The following DRG2 variants were observed in gnomAD, a reference collection of about 807,000 sequenced individuals.
DRG2 encodes developmentally regulated GTP binding protein 2, also known as developmentally-regulated GTP-binding protein 2.
DRG2 carries 36 observed loss-of-function variants against 53.4 expected under a neutral mutation model. The ratio of observed to expected loss-of-function variants is 0.67; its 90% CI spans 0.52 to 0.89. The LOEUF (loss-of-function observed/expected upper bound fraction) is 0.89. Among genes scored for constraint, DRG2 ranks in the 40% least tolerant of loss-of-function variants. DRG2 has a pLI of 0.00. For synonymous variants in DRG2, 167 were observed against 192.1 expected, an observed-to-expected ratio of 0.87 and a Z score of 1.08; for missense variants, 342 against 481.2, an observed-to-expected ratio of 0.71 and a Z score of 2.71.
intron 7 of DRG2, 121 bp from the exon 8 acceptor site, chr17:18,101,372 A>T: frequency 1.2e-6 from 1 of 844,676 alleles, no homozygotes; most frequent in Admixed American, 2.4e-5. Flanking sequence ...AAAACCTCAC[A>T]AGCAGATACC....
chr17:18,100,041 T>A lies in DRG2; in HGVS notation c.467+318T>A. ...GCCCCAGGCACAGAAGCATTGTTCA[T>A]CCACATCCTGGCAGAGGGGTACACC... On this transcript the variant is annotated intron_variant, in intron 5 of 12. Coordinates refer to ENST00000225729, the MANE Select transcript of DRG2 (RefSeq NM_001388.5). The surrounding 1 kb of genome is among the most constrained non-coding windows in gnomAD (Gnocchi z 4.1). The A allele has an allele frequency of 3.5e-6, 2 of 576,112 alleles. No individual in the cohort carries two copies. Among genetic ancestry groups the A allele is most frequent in the South Asian group, 4.1e-5 (2 of 48,512 alleles). 35.7% of individuals were successfully genotyped at this position (576,112 alleles called of 1,614,324 possible).
At chr17:18,107,081 C>G in intron 12 of DRG2, 73 bp from the exon 13 acceptor site, 1 of 1,414,166 alleles carries the variant, frequency 7.1e-7, no homozygotes, top group East Asian at 2.3e-5. Flanking sequence ...AGGACACACA[C>G]GCCCAGGGAT....
chr17:18,106,547 A>C lies in DRG2; in HGVS notation c.1008+61A>C, dbSNP rs377087916. ...ACCCAGGACAGCCCCTGGGTTAGGC[A>C]TGAAGCAAGGCATTCACACTCTCTG... is the stretch of plus-strand genomic sequence containing the variant. On this transcript the variant is annotated intron_variant, in intron 12 of 12. Coordinates refer to ENST00000225729, the MANE Select transcript of DRG2 (RefSeq NM_001388.5). 7.8e-4 allele frequency: 1,244 copies of C among 1,587,106 alleles called. 27 individuals carry two copies. In the South Asian group the frequency reaches 0.013, roughly 17 times the overall value.
rs2045628228 is a variant in DRG2 at position 18,106,288 on chromosome 17, TC to T, written c.955-143del. On this transcript the variant is annotated intron_variant, in intron 11 of 12. Coordinates refer to ENST00000225729, the MANE Select transcript of DRG2 (RefSeq NM_001388.5). ...ATGTGCGAATTGAGCACGTCAGTCC[TC>T]CACACAAGGCCCAGACTGTGTGGGC... 5 of 826,552 alleles carry T rather than the reference TC, an allele frequency of 6.0e-6. No homozygotes were observed. The South Asian group carries it at 7.6e-5, about 13-fold the overall frequency. The allele number at this position is 826,552 out of a possible 1,614,324, so 51.2% of individuals were successfully genotyped here.
In DRG2 at chr17:18,100,690, G is replaced by T; in HGVS notation, c.631+31G>T. The T allele has an allele frequency of 1.9e-6, 3 of 1,593,444 alleles. No homozygotes were observed. The highest frequency in any genetic ancestry group is 2.6e-6 in the Non-Finnish European group (3 of 1,168,532). On this transcript the variant is annotated intron_variant, in intron 7 of 12. Transcript: ENST00000225729. The surrounding 1 kb of genome is among the most constrained non-coding windows in gnomAD (Gnocchi z 4.1). ...CTTCCCTGAAAGACACGTGAAGGAG[G>T]GCAGCCACCACCGTCAGCGCAGCGG...
chr17:18,087,962 G>A lies in DRG2; in HGVS notation c.-62G>A, dbSNP rs544243951. 9 of 1,530,136 alleles carry A rather than the reference G, an allele frequency of 5.9e-6. No individual in the cohort carries two copies. The Admixed American group carries it at 1.6e-4, about 27-fold the overall frequency. 94.8% of individuals were successfully genotyped at this position (1,530,136 alleles called of 1,614,324 possible). On this transcript the variant is annotated 5_prime_UTR_variant, in exon 1 of 13. Coordinates refer to ENST00000225729, the MANE Select transcript of DRG2 (RefSeq NM_001388.5). ...GGGCGCACGCTACTCTGTCGCCGCC[G>A]TCAGACCGGAATTGCCGGTGCCGCC...
chr17:18,104,595 C>G (rs748603867), intron 10 of DRG2, 28 bp from the exon 11 acceptor site: 9 of 1,613,650 alleles, frequency 5.6e-6, no homozygotes, highest in Non-Finnish European at 6.8e-6. Flanking sequence ...TGATGTGTGG[C>G]TGACGTTCTC....
Position 18,101,914 on chromosome 17 carries a change from A to G in DRG2, c.730-7A>G. On this transcript the variant is annotated splice_region_variant and splice_polypyrimidine_tract_variant and intron_variant, in intron 8 of 12. Transcript: ENST00000225729. ...CTCAGCACCGGCCTCCACCTTCTCA[A>G]TCTCAGGTTTATAACAAAATCGACC... 6.2e-7 allele frequency: 1 copy of G among 1,610,068 alleles called. No individual in the cohort carries two copies. The highest frequency in any genetic ancestry group is 8.5e-7 in the Non-Finnish European group (1 of 1,177,792).
intron 1 of DRG2, among the ~76,000 whole-genome samples, chr17:18,090,384 A>ATATATATATC (rs2045300920): frequency 1.1e-4 from 1 of 9,300 alleles, no homozygotes; most frequent in Non-Finnish European, 1.6e-4. Context: ...ATATATATAT[A>ATATATATATC]TATATATATA....
rs2045537895 is a variant in DRG2 at position 18,101,591 on chromosome 17, G to A, written c.729+1G>A. On this transcript the variant is annotated splice_donor_variant, in intron 8 of 12. Transcript: ENST00000225729. LOFTEE classifies it high-confidence loss of function. ...CCGGGTGTACATGCCCTGCCTGTAT[G>A]TAAGTGCAGGAGGGGAGCCCTGGCC... 1 of 1,613,664 alleles carries A rather than the reference G, an allele frequency of 6.2e-7. No individual in the cohort carries two copies. Among genetic ancestry groups the A allele is most frequent in the Non-Finnish European group, 8.5e-7 (1 of 1,179,610 alleles).
At chr17:18,092,307 A>C (rs1238611449) in intron 1 of DRG2, among the ~76,000 whole-genome samples, 1 of 152,152 alleles carries the variant, frequency 6.6e-6, no homozygotes, top group East Asian at 1.9e-4. Context: ...CTACAAAAAC[A>C]ATTTTTTTAA....
intron 1 of DRG2, among the ~76,000 whole-genome samples, chr17:18,090,217 AG>A (rs2045291208): frequency 9.2e-6 from 1 of 109,068 alleles, no homozygotes; most frequent in Admixed American, 1.1e-4. Context: ...TTTTTGAGAC[AG>A]TCTTGCTCTG....
chr17:18,103,864 C>A lies in DRG2; in HGVS notation c.870C>A (p.Thr290=), dbSNP rs2045580814. 6.2e-7 allele frequency: 1 copy of A among 1,614,030 alleles called. No homozygotes were observed. Residue 290 remains threonine (T), a synonymous_variant, in exon 10 of 13, where the codon ACC becomes ACA. Transcript: ENST00000225729. This position sits in a 1 kb window ranked among gnomAD's most constrained non-coding sequence, Gnocchi z 4.4. ...LEMLWEYLAL[T]CIYTKKRGQR... The stretch of plus-strand genomic sequence containing the variant: ...TGCTTTGGGAGTACTTGGCCCTGAC[C>A]TGCATCTACACCAAGAAGAGAGGAC...
Position 18,103,965 on chromosome 17 carries a change from C to A in DRG2, c.895+76C>A. ...AGGCTGCCAGGCCGGTGTGTGGTGCCCAGAGACCCCAGCACCGGCTCTGGC... is the reference window on the plus strand; with the variant it reads ...AGGCTGCCAGGCCGGTGTGTGGTGCACAGAGACCCCAGCACCGGCTCTGGC... On this transcript the variant is annotated intron_variant, in intron 10 of 12. Coordinates refer to ENST00000225729, the MANE Select transcript of DRG2 (RefSeq NM_001388.5). The surrounding 1 kb of genome is among the most constrained non-coding windows in gnomAD (Gnocchi z 4.4). 1 of 1,398,568 alleles carries A rather than the reference C, an allele frequency of 7.2e-7. No individual in the cohort carries two copies. Among genetic ancestry groups the A allele is most frequent in the Non-Finnish European group, 1.0e-6 (1 of 987,266 alleles). 86.6% of individuals were successfully genotyped at this position (1,398,568 alleles called of 1,614,324 possible). A position where few individuals can be genotyped will look rare whatever the true frequency, so the allele number is the denominator to read the frequency against.
intron 11 of DRG2, 41 bp downstream of exon 11, chr17:18,104,722 T>C: frequency 6.2e-7 from 1 of 1,613,494 alleles, no homozygotes; most frequent in South Asian, 1.1e-5. Context: ...GTGGGAGCTC[T>C]GCATGCCCTT....
rs1206552931 is a variant in DRG2, at chr17:18,101,394, A to C, written c.632-99A>C. ...CACAAGCAGATACCGCCACGGTCCC[A>C]CACGGCCAGCATATTTCCTGCTTGG... On this transcript the variant is annotated intron_variant, in intron 7 of 12. Coordinates refer to ENST00000225729, the MANE Select transcript of DRG2 (RefSeq NM_001388.5). 6.2e-6 allele frequency: 7 copies of C among 1,127,440 alleles called. No homozygotes were observed. In the East Asian group the frequency reaches 1.7e-4, roughly 27 times the overall value. 69.8% of individuals were successfully genotyped at this position (1,127,440 alleles called of 1,614,324 possible).
At position 18,098,068 on chromosome 17, in the gene DRG2, GCCTCTGGTGTCTGAC is replaced by G; in HGVS notation, c.226-199_226-185del. 1.9e-6 allele frequency: 1 copy of G among 517,988 alleles called. No individual in the cohort carries two copies. The highest frequency in any genetic ancestry group is 3.3e-5 in the East Asian group (1 of 30,140). 32.1% of individuals were successfully genotyped at this position (517,988 alleles called of 1,614,324 possible). A position where few individuals can be genotyped will look rare whatever the true frequency, so the allele number is the denominator to read the frequency against. ...CCTGAGGCCTCCAAGGAACAGATGG[GCCTCTGGTGTCTGAC>G]CCATCCAGGACAGGGCCAGAGGTGA... On this transcript the variant is annotated intron_variant, in intron 2 of 12. Coordinates refer to ENST00000225729, the MANE Select transcript of DRG2 (RefSeq NM_001388.5). The surrounding 1 kb of genome is among the most constrained non-coding windows in gnomAD (Gnocchi z 4.1).
chr17:18,096,757 T>C (rs1283279624), intron 2 of DRG2: 1 of 152,210 alleles, frequency 6.6e-6, no homozygotes, highest in Non-Finnish European at 1.5e-5. Context: ...GTTGCTAGAA[T>C]ATAGGCCAAG....
chr17:18,103,824 A>G lies in DRG2; in HGVS notation c.830A>G (p.Asp277Gly), dbSNP rs2045580144. The part of the protein sequence containing the change: ...VISCGMKLNL[D>G]YLLEMLWEYL... ...AGCTGCGGCATGAAGCTGAACCTGG[A>G]CTATCTGCTGGAGATGCTTTGGGAG... is the stretch of plus-strand genomic sequence containing the variant. The change falls in exon 10 of 13, where the codon GAC becomes GGC. Residue 277 changes from aspartate (D) to glycine (G), a missense_variant. Transcript: ENST00000225729. The surrounding 1 kb of genome is among the most constrained non-coding windows in gnomAD (Gnocchi z 4.4). 3 of 1,614,136 alleles carry G rather than the reference A, an allele frequency of 1.9e-6. No individual in the cohort carries two copies. The highest frequency in any genetic ancestry group is 2.2e-5 in the South Asian group (2 of 91,086).
Sources: allele counts gnomAD v4.1 joint callset (sites outside exome capture counted in the v4.1 genomes callset), GRCh38; gene constraint gnomAD v4.1.1; non-coding constraint Gnocchi (gnomAD v3.1); transcripts MANE v1.5; gene names NCBI Gene and HGNC (gene_info 2026-07-23, HGNC 2026-07-21).